MYO9B: variants seen among roughly 807,000 people sequenced by gnomAD.
MYO9B encodes the protein unconventional myosin-IXb.
Under a neutral mutation model 229.5 loss-of-function variants are expected in MYO9B, and 71 were observed. That is an observed-to-expected ratio of 0.31 (90% confidence interval 0.26 to 0.38). The LOEUF is 0.38. Among genes scored for constraint, MYO9B ranks in the 10% least tolerant of loss-of-function variants. MYO9B has a pLI of 1.00. For missense variants in MYO9B, 2,255 were observed against 2,920.5 expected (o/e 0.77, Z 5.25); for synonymous variants, 1,185 against 1,235.8 (o/e 0.96, Z 0.86).
At chr19:17,174,797 A>G (rs1053407178) in intron 13 of MYO9B, among the ~76,000 whole-genome samples, 4 of 150,318 alleles carry the variant, frequency 2.7e-5, no homozygotes, top group African/African-American at 9.8e-5. Flanking sequence ...AGCCAGGTGC[A>G]GTGGCAGGCA....
In MYO9B at chr19:17,207,156, C is replaced by T. The variant is rs771587489; in HGVS notation, c.5536C>T (p.Leu1846=). Reference sequence around the variant, plus strand: ...TGTCAACCGCATGTCACCTGGGGCGCTGGCCATTATCTTCGCACCCTGCCT... The same window carrying T: ...TGTCAACCGCATGTCACCTGGGGCGTTGGCCATTATCTTCGCACCCTGCCT... ...EDVNRMSPGA[L]AIIFAPCLLR... is the part of the protein sequence containing the mutation. Residue 1846 remains leucine, a synonymous_variant, in exon 35 of 40, where the codon CTG becomes TTG. Transcript: ENST00000682292. The T allele has an allele frequency of 1.2e-6, 2 of 1,608,678 alleles. No individual in the cohort carries two copies. Among genetic ancestry groups the T allele is most frequent in the Non-Finnish European group, 8.5e-7 (1 of 1,178,446 alleles).
chr19:17,133,234 T>C (rs1187652611), intron 2 of MYO9B, among the ~76,000 whole-genome samples: 4 of 152,198 alleles, frequency 2.6e-5, no homozygotes, highest in South Asian at 2.1e-4. Flanking sequence ...AAAGGGTCAA[T>C]GGAGCTAATT....
chr19:17,078,289 G>C (rs371759565), intron 1 of MYO9B, among the ~76,000 whole-genome samples: 3 of 152,170 alleles, frequency 2.0e-5, no homozygotes, highest in African/African-American at 7.2e-5. Flanking sequence ...GCTCAGGCCT[G>C]TAATCCCTTT....
intron 14 of MYO9B, among the ~76,000 whole-genome samples, chr19:17,178,111 G>T (rs536979648): frequency 1.6e-4 from 24 of 152,202 alleles, no homozygotes; most frequent in Non-Finnish European, 3.5e-4. Context: ...CGTGGCCGCT[G>T]CACTGACCAC....
intron 2 of MYO9B, among the ~76,000 whole-genome samples, chr19:17,144,948 C>A (rs1296807531): frequency 8.0e-6 from 1 of 124,856 alleles, no homozygotes; most frequent in Non-Finnish European, 1.6e-5. Context: ...CCAGCCAAGG[C>A]AACAGAGCGA....
At position 17,193,954 on chromosome 19, in the gene MYO9B, C is replaced by T. The variant is rs774718597; in HGVS notation, c.3129-602C>T. 3.3e-5 allele frequency among the ~76,000 whole-genome samples: 5 copies of T among 152,146 alleles called. No individual in the cohort carries two copies. Among genetic ancestry groups the T allele is most frequent in the Non-Finnish European group, 7.3e-5 (5 of 68,040 alleles). On this transcript the variant is annotated intron_variant, in intron 21 of 39. Transcript: ENST00000682292. This position sits in a 1 kb window ranked among gnomAD's most constrained non-coding sequence, Gnocchi z 4.3. ...TTGGGAGGCCAAGGCAGGCAGATCA[C>T]ATGAGGCCAGGAGTTGGAGACCAGC...
At chr19:17,113,087 C>T (rs1322980718) in intron 2 of MYO9B, among the ~76,000 whole-genome samples, 1 of 152,222 alleles carries the variant, frequency 6.6e-6, no homozygotes, top group Non-Finnish European at 1.5e-5. Flanking sequence ...GCAGTCAGCA[C>T]CCGTCTGTCT....
rs949397785 is a variant in MYO9B at position 17,159,011 on chromosome 19, C to T, written c.1330-384C>T. Among the ~76,000 whole-genome samples the T allele has an allele frequency of 2.6e-5, 4 of 152,078 alleles. No individual in the cohort carries two copies. In the South Asian group the frequency reaches 6.2e-4, roughly 24 times the overall value. ...GAGTTCGAGACCAGCCTGGCCAACACAGAGAAACCCCATCTCTATTAAAAA... is the reference window on the plus strand; with the variant it reads ...GAGTTCGAGACCAGCCTGGCCAACATAGAGAAACCCCATCTCTATTAAAAA... On this transcript the variant is annotated intron_variant, in intron 7 of 39. Coordinates refer to ENST00000682292, the MANE Select transcript of MYO9B (RefSeq NM_004145.4).
At chr19:17,087,371 A>C (rs2057593094) in intron 1 of MYO9B, among the ~76,000 whole-genome samples, 1 of 152,210 alleles carries the variant, frequency 6.6e-6, no homozygotes, top group Admixed American at 6.5e-5. Context: ...ACAAGGGACA[A>C]ACTGAACACG....
At chr19:17,130,368 G>A (rs751633174) in intron 2 of MYO9B, among the ~76,000 whole-genome samples, 6 of 152,168 alleles carry the variant, frequency 3.9e-5, no homozygotes, top group Non-Finnish European at 8.8e-5. Context: ...TGTAATCCCA[G>A]CACTTTGGGA....
chr19:17,153,384 T>A lies in MYO9B; in HGVS notation c.999-583T>A, dbSNP rs1272358668. Among the ~76,000 whole-genome samples the A allele has an allele frequency of 5.1e-3, 698 of 136,070 alleles. 5 individuals carry two copies. The highest frequency in any genetic ancestry group is 0.017 in the African/African-American group (627 of 36,540). The allele number at this position is 136,070 out of a possible 152,430, so 89.3% of individuals were successfully genotyped here. On this transcript the variant is annotated intron_variant, in intron 4 of 39. Coordinates refer to ENST00000682292, the MANE Select transcript of MYO9B (RefSeq NM_004145.4). ...GCCCGGCTAGAGTCCTTGTCTCTTTTAAAAAAAAAAAAAAAAGAAAGGCCT... is the reference window on the plus strand; with the variant it reads ...GCCCGGCTAGAGTCCTTGTCTCTTTAAAAAAAAAAAAAAAAAGAAAGGCCT...
At chr19:17,150,080 C>G (rs551695822) in intron 3 of MYO9B, among the ~76,000 whole-genome samples, 2 of 152,212 alleles carry the variant, frequency 1.3e-5, no homozygotes, top group East Asian at 3.8e-4. Context: ...GCCACCTGTG[C>G]ATCGTGTGTG....
At position 17,172,889 on chromosome 19, in the gene MYO9B, G is replaced by A. The variant is rs2072741148; in HGVS notation, c.2066G>A (p.Arg689Gln). ...PVAVFRWAVL[R>Q]AAIRAMAVLR... ...GCCGTGTTCCGCTGGGCCGTGCTCCGGGCTGCTATCCGGGCCATGGCAGTG... is the reference window on the plus strand; with the variant it reads ...GCCGTGTTCCGCTGGGCCGTGCTCCAGGCTGCTATCCGGGCCATGGCAGTG... Residue 689 changes from arginine (R) to glutamine (Q), a missense_variant, in exon 13 of 40, where the codon CGG (arginine) becomes CAG (glutamine). Transcript: ENST00000682292. The surrounding 1 kb of genome is among the most constrained non-coding windows in gnomAD (Gnocchi z 8.2). 4.4e-6 allele frequency: 7 copies of A among 1,603,856 alleles called. No homozygotes were observed. Among genetic ancestry groups the A allele is most frequent in the Non-Finnish European group, 5.9e-6 (7 of 1,179,748 alleles).
intron 1 of MYO9B, among the ~76,000 whole-genome samples, chr19:17,084,709 C>CAAA (rs903470342): frequency 1.2e-5 from 1 of 81,284 alleles, no homozygotes; most frequent in Non-Finnish European, 2.7e-5. Flanking sequence ...ACTAAAAATA[C>CAAA]AAAAAAAAAA....
intron 2 of MYO9B, among the ~76,000 whole-genome samples, chr19:17,116,625 C>T (rs141948176): frequency 3.9e-5 from 6 of 152,296 alleles, no homozygotes; most frequent in Non-Finnish European, 7.3e-5. Flanking sequence ...TGGGTGTTCC[C>T]CCCACAGAGC....
intron 34 of MYO9B, 87 bp from the exon 35 acceptor site, chr19:17,207,026 C>T: frequency 3.9e-6 from 6 of 1,527,208 alleles, no homozygotes; most frequent in East Asian, 2.4e-5. Context: ...CAACAGCCAC[C>T]CCAGGGCTCA....
intron 3 of MYO9B, among the ~76,000 whole-genome samples, chr19:17,146,070 C>T (rs1288466022): frequency 1.3e-5 from 2 of 148,448 alleles, no homozygotes; most frequent in Non-Finnish European, 1.5e-5. Flanking sequence ...TGAATTCATG[C>T]ATGGATGGCT....
At chr19:17,166,004 T>G (rs574374570) in intron 10 of MYO9B, among the ~76,000 whole-genome samples, 13 of 152,216 alleles carry the variant, frequency 8.5e-5, no homozygotes, top group Non-Finnish European at 1.9e-4. Context: ...TCTGGCCCAT[T>G]ACAGAGAAAG....
Position 17,155,334 on chromosome 19 carries a change from G to A in MYO9B, c.1199+919G>A, listed in dbSNP as rs148095746. ...CTCCCAAGCAGCTGGGACTACAGGCGCGTGCCACCACACCTGGACAATTTT... is the reference window on the plus strand; with the variant it reads ...CTCCCAAGCAGCTGGGACTACAGGCACGTGCCACCACACCTGGACAATTTT... On this transcript the variant is annotated intron_variant, in intron 6 of 39. Coordinates refer to ENST00000682292, the MANE Select transcript of MYO9B (RefSeq NM_004145.4). 6.6e-3 allele frequency among the ~76,000 whole-genome samples: 1,008 copies of A among 151,878 alleles called. 22 individuals are homozygous for A. Among genetic ancestry groups the A allele is most frequent in the Non-Finnish European group, 3.9e-3 (262 of 67,966 alleles).
Sources: allele counts gnomAD v4.1 joint callset (sites outside exome capture counted in the v4.1 genomes callset), GRCh38; gene constraint gnomAD v4.1.1; non-coding constraint Gnocchi (gnomAD v3.1); transcripts MANE v1.5; gene names NCBI Gene and HGNC (gene_info 2026-07-23, HGNC 2026-07-21).